Variants in DOK5 observed in about 807,000 individuals in gnomAD.
DOK5 encodes the protein downstream of tyrosine kinase 5.
In DOK5, 27 loss-of-function variants were observed where a neutral mutation model predicts 43.3. The observed-to-expected ratio is 0.62, with a 90% CI of 0.46 to 0.86. The LOEUF is 0.86. Among genes scored for constraint, DOK5 ranks in the 40% least tolerant of loss-of-function variants. The probability of loss-of-function intolerance (pLI) is 0.00; values close to 1 mark genes in which losing one functional copy is unlikely to be tolerated. For synonymous variants in DOK5, 146 were observed against 140.1 expected (o/e 1.04, Z -0.30); for missense variants, 373 against 392.9 (o/e 0.95, Z 0.43).
intron 1 of DOK5, among the ~76,000 whole-genome samples, chr20:54,522,901 G>C (rs1983461623): frequency 6.6e-6 from 1 of 152,086 alleles, no homozygotes; most frequent in African/African-American, 2.4e-5. Context: ...AAAATTCTCT[G>C]AGCTTTGCCT....
chr20:54,603,729 A>G (rs1222989923), intron 5 of DOK5, among the ~76,000 whole-genome samples: 1 of 152,148 alleles, frequency 6.6e-6, no homozygotes, highest in Non-Finnish European at 1.5e-5. Context: ...TGCTGACTTT[A>G]GTAGAGCTGA....
intron 1 of DOK5, among the ~76,000 whole-genome samples, chr20:54,513,481 A>C (rs902775484): frequency 2.6e-5 from 4 of 151,018 alleles, no homozygotes; most frequent in Admixed American, 6.6e-5. Context: ...AAAAAAAAAA[A>C]AAAAAAACCC....
In DOK5 at chr20:54,632,886, G is replaced by A. The variant is rs530809392; in HGVS notation, c.736-10572G>A. On this transcript the variant is annotated intron_variant, in intron 6 of 7. Coordinates refer to ENST00000262593, the MANE Select transcript of DOK5 (RefSeq NM_018431.5). ...GAGGTCAGGAGTTTGAGACCAGCCT[G>A]GCCAACATGGTAAAACCTCATCTCC... 2.6e-5 allele frequency among the ~76,000 whole-genome samples: 4 copies of A among 152,054 alleles called. 1 individual carries two copies. The East Asian group carries it at 7.7e-4, about 29-fold the overall frequency.
intron 6 of DOK5, among the ~76,000 whole-genome samples, chr20:54,613,930 G>A (rs906092617): frequency 1.3e-5 from 2 of 151,724 alleles, no homozygotes; most frequent in South Asian, 4.1e-4. Flanking sequence ...GGAATTCAAG[G>A]CAGCAGTGAG....
chr20:54,600,908 T>A (rs1986281245), intron 5 of DOK5, among the ~76,000 whole-genome samples: 1 of 152,222 alleles, frequency 6.6e-6, no homozygotes, highest in Non-Finnish European at 1.5e-5. Context: ...AGAAGTGACA[T>A]AATCTTTTTT....
rs544546830 is a variant in DOK5 at position 54,624,964 on chromosome 20, T to C, written c.735+14441T>C. On this transcript the variant is annotated intron_variant, in intron 6 of 7. Coordinates refer to ENST00000262593, the MANE Select transcript of DOK5 (RefSeq NM_018431.5). Reference sequence around the variant, plus strand: ...TGTCTTTGCTGCATGTTTTTTTTTTTCCCTTAGCAGGAAAGCGGTCTTTCT... The same window carrying C: ...TGTCTTTGCTGCATGTTTTTTTTTTCCCCTTAGCAGGAAAGCGGTCTTTCT... Among the ~76,000 whole-genome samples the C allele has an allele frequency of 1.1e-4, 16 of 152,178 alleles. No homozygotes were observed. The South Asian group carries it at 2.5e-3, about 24-fold the overall frequency.
intron 7 of DOK5, among the ~76,000 whole-genome samples, chr20:54,643,792 C>T (rs765439440): frequency 7.2e-5 from 11 of 152,114 alleles, no homozygotes; most frequent in Non-Finnish European, 1.3e-4. Flanking sequence ...TCACAGTGTC[C>T]GGGGGGAAGT....
chr20:54,617,093 G>C (rs1986839033), intron 6 of DOK5, among the ~76,000 whole-genome samples: 1 of 151,986 alleles, frequency 6.6e-6, no homozygotes, highest in Admixed American at 6.6e-5. Context: ...CCCAGCCAAG[G>C]ATCCACTTTC....
intron 1 of DOK5, among the ~76,000 whole-genome samples, chr20:54,500,265 C>A (rs904612034): frequency 2.0e-5 from 3 of 152,008 alleles, no homozygotes; most frequent in Non-Finnish European, 4.4e-5. Context: ...TAGTTAGAAT[C>A]TTTAGAAGAA....
intron 5 of DOK5, 135 bp from the exon 6 acceptor site, chr20:54,610,253 T>A: frequency 1.1e-6 from 1 of 949,836 alleles, no homozygotes; most frequent in Non-Finnish European, 1.4e-6. Flanking sequence ...CGATTCTAGT[T>A]AACTTTGTTT....
rs146280076 is a variant in DOK5 at position 54,647,835 on chromosome 20, G to T, written c.857-2580G>T. On this transcript the variant is annotated intron_variant, in intron 7 of 7. Transcript: ENST00000262593. Reference sequence around the variant, plus strand: ...CCTGATTAAACTTGTTTAAACCAAAGCTCTGCACATCTATTTGGACATGAA... The same window carrying T: ...CCTGATTAAACTTGTTTAAACCAAATCTCTGCACATCTATTTGGACATGAA... 4.4e-3 allele frequency among the ~76,000 whole-genome samples: 674 copies of T among 152,266 alleles called. 7 individuals carry two copies. The highest frequency in any genetic ancestry group is 0.015 in the African/African-American group (636 of 41,548).
chr20:54,616,146 G>A (rs1986801326), intron 6 of DOK5, among the ~76,000 whole-genome samples: 1 of 152,162 alleles, frequency 6.6e-6, no homozygotes, highest in African/African-American at 2.4e-5. Flanking sequence ...AACAGACAAT[G>A]TGTTAAGGAC....
chr20:54,559,288 G>A (rs915272262), intron 2 of DOK5, among the ~76,000 whole-genome samples: 1 of 152,232 alleles, frequency 6.6e-6, no homozygotes, highest in Non-Finnish European at 1.5e-5. Context: ...ATGGTGAGAA[G>A]TATGCCGGTC....
intron 6 of DOK5, among the ~76,000 whole-genome samples, chr20:54,640,605 C>T (rs946043003): frequency 1.3e-5 from 2 of 152,218 alleles, no homozygotes; most frequent in East Asian, 3.8e-4. Context: ...GAGAGCCCGG[C>T]TTTGTACCGT....
chr20:54,525,351 T>G (rs778151226), intron 1 of DOK5, among the ~76,000 whole-genome samples: 1 of 152,226 alleles, frequency 6.6e-6, no homozygotes, highest in African/African-American at 2.4e-5. Context: ...ACATTAAAAT[T>G]CTTATTTTAT....
chr20:54,535,078 C>T lies in DOK5; in HGVS notation c.67-19855C>T, dbSNP rs201701556. Among the ~76,000 whole-genome samples, 11 of 152,268 alleles carry T rather than the reference C, an allele frequency of 7.2e-5. No individual in the cohort carries two copies. The East Asian group carries it at 9.7e-4, about 13-fold the overall frequency. Reference sequence around the variant, plus strand: ...TGAACTCCTGACCTCATGATCCACCCGCCTCAGGCTTGCAAAGTGCTGGGA... The same window carrying T: ...TGAACTCCTGACCTCATGATCCACCTGCCTCAGGCTTGCAAAGTGCTGGGA... On this transcript the variant is annotated intron_variant, in intron 1 of 7. Transcript: ENST00000262593.
intron 1 of DOK5, among the ~76,000 whole-genome samples, chr20:54,479,110 T>C (rs1377275246): frequency 6.6e-6 from 1 of 152,170 alleles, no homozygotes; most frequent in Non-Finnish European, 1.5e-5. Flanking sequence ...GGAAACATTC[T>C]AAAAACATTC....
intron 6 of DOK5, among the ~76,000 whole-genome samples, chr20:54,613,270 C>T (rs1014376835): frequency 1.1e-4 from 16 of 150,946 alleles, no homozygotes; most frequent in Admixed American, 8.0e-4. Flanking sequence ...ATCTCTCTCT[C>T]TTTCTAAATG....
At chr20:54,624,439 T>G (rs1987077039) in intron 6 of DOK5, among the ~76,000 whole-genome samples, 1 of 152,150 alleles carries the variant, frequency 6.6e-6, no homozygotes, top group Admixed American at 6.5e-5. Context: ...TGTAATAAGC[T>G]CAGGGTCTGG....
Sources: gnomAD v4.1 joint callset for allele counts (sites outside exome capture counted in the v4.1 genomes callset) on GRCh38, gnomAD v4.1.1 for gene constraint, MANE v1.5 for transcripts, NCBI Gene and HGNC (gene_info 2026-07-23, HGNC 2026-07-21) for gene names.